MYLK4: variants seen among roughly 807,000 people sequenced by gnomAD.
MYLK4 encodes the protein myosin light chain kinase family member 4, also known as caMLCK like.
In MYLK4, 46 loss-of-function variants were observed where a neutral mutation model predicts 48.1. That is an observed-to-expected ratio of 0.96 (90% CI 0.75 to 1.22). The LOEUF (loss-of-function observed/expected upper bound fraction) is 1.22. MYLK4 is among the 50% of genes most tolerant of loss of function. The probability of loss-of-function intolerance (pLI) is 0.00; values close to 1 mark genes in which losing one functional copy is unlikely to be tolerated. For synonymous variants in MYLK4, 170 were observed against 180.8 expected (o/e 0.94, Z 0.48); for missense variants, 451 against 486.1 (o/e 0.93, Z 0.68).
chr6:2,692,393 T>A (rs1383255641), intron 3 of MYLK4, among the ~76,000 whole-genome samples: 2 of 152,156 alleles, frequency 1.3e-5, no homozygotes, highest in East Asian at 3.8e-4. Flanking sequence ...ACCTTTTCTT[T>A]CTCAGAGGAG....
At chr6:2,764,262 T>C in the MYLK4 span, among the ~76,000 whole-genome samples, 3 of 152,110 alleles carry the variant, frequency 2.0e-5, no homozygotes, top group Non-Finnish European at 4.4e-5. Flanking sequence ...AAACAACTCT[T>C]AACCAGCCAG....
chr6:2,766,047 G>C, the MYLK4 span: 1 of 1,296,514 alleles, frequency 7.7e-7, no homozygotes, highest in East Asian at 3.1e-5. Flanking sequence ...TCGGGGAAGA[G>C]GCCGGCGGCC....
At chr6:2,760,261 T>C in the MYLK4 span, among the ~76,000 whole-genome samples, 10 of 152,312 alleles carry the variant, frequency 6.6e-5, no homozygotes, top group African/African-American at 2.4e-4. Context: ...AGTATGTGCA[T>C]AGTTTTATAA....
chr6:2,690,706 C>A (rs1297842406), intron 3 of MYLK4, among the ~76,000 whole-genome samples: 1 of 150,154 alleles, frequency 6.7e-6, no homozygotes, highest in Non-Finnish European at 1.5e-5. Context: ...TGGAACTTAA[C>A]AAAAGCCGTC....
intron 2 of MYLK4, among the ~76,000 whole-genome samples, chr6:2,694,793 A>T (rs1056335139): frequency 1.3e-5 from 2 of 152,092 alleles, no homozygotes; most frequent in Non-Finnish European, 2.9e-5. Context: ...GTACAAATGA[A>T]GTTGGGTAAT....
chr6:2,739,163 A>G (rs982995196), intron 2 of MYLK4, among the ~76,000 whole-genome samples: 2 of 152,174 alleles, frequency 1.3e-5, no homozygotes, highest in Non-Finnish European at 2.9e-5. Context: ...TAAGAATTCT[A>G]CCAACTTCGG....
At chr6:2,744,800 A>C (rs1222388527) in intron 2 of MYLK4, among the ~76,000 whole-genome samples, 1 of 152,224 alleles carries the variant, frequency 6.6e-6, no homozygotes, top group Non-Finnish European at 1.5e-5. Flanking sequence ...GGGATATGGA[A>C]GAACTTAAGC....
chr6:2,680,956 T>C (rs2113119136), intron 7 of MYLK4, among the ~76,000 whole-genome samples: 2 of 152,252 alleles, frequency 1.3e-5, no homozygotes, highest in South Asian at 4.1e-4. Context: ...CCTGACAGTC[T>C]TGGGGTGCAG....
the MYLK4 span, among the ~76,000 whole-genome samples, chr6:2,762,937 A>T: frequency 6.6e-6 from 1 of 152,198 alleles, no homozygotes; most frequent in Non-Finnish European, 1.5e-5. Context: ...ACTCATTAAG[A>T]CAATTCAGAC....
chr6:2,729,934 C>T (rs1045181699), intron 2 of MYLK4, among the ~76,000 whole-genome samples: 3 of 152,198 alleles, frequency 2.0e-5, no homozygotes, highest in African/African-American at 4.8e-5. Context: ...ACACAGTTGG[C>T]GGTCTTCAAA....
chr6:2,693,011 T>A (rs1761874034), intron 2 of MYLK4, 152 bp from the exon 3 acceptor site: 1 of 671,010 alleles, frequency 1.5e-6, no homozygotes, highest in African/African-American at 1.8e-5. Context: ...ATCCACCAGA[T>A]GCCAGTAGCA....
At chr6:2,757,286 A>G in the MYLK4 span, among the ~76,000 whole-genome samples, 3 of 152,218 alleles carry the variant, frequency 2.0e-5, no homozygotes, top group Non-Finnish European at 4.4e-5. Flanking sequence ...GGACCATGGC[A>G]GCTCGTAAAA....
At position 2,676,766 on chromosome 6, in the gene MYLK4, G is replaced by A. The variant is rs138484804; in HGVS notation, c.1040+1454C>T. Among the ~76,000 whole-genome samples, 19 of 152,270 alleles carry A rather than the reference G, an allele frequency of 1.2e-4. No individual in the cohort carries two copies. The East Asian group carries it at 3.1e-3, about 25-fold the overall frequency. ...CCTCTGCATCTGCTCTGAGATAGCC[G>A]TGTGACTGCAGCACTGCTCTCAGCC... On this transcript the variant is annotated intron_variant, in intron 10 of 12. Transcript: ENST00000274643.
intron 6 of MYLK4, among the ~76,000 whole-genome samples, chr6:2,684,703 G>GTTCC (rs1761459223): frequency 6.6e-6 from 1 of 152,180 alleles, no homozygotes; most frequent in Non-Finnish European, 1.5e-5. Flanking sequence ...ATCAGGTATT[G>GTTCC]TAAGTAGTCT....
At chr6:2,684,598 C>T (rs1761453707) in intron 6 of MYLK4, among the ~76,000 whole-genome samples, 1 of 151,674 alleles carries the variant, frequency 6.6e-6, no homozygotes. Context: ...AAATGTTTGA[C>T]CAAAAAACAA....
At chr6:2,765,908 G>A in the MYLK4 span, 6 of 1,455,414 alleles carry the variant, frequency 4.1e-6, no homozygotes, top group South Asian at 1.3e-5. Flanking sequence ...CGAGGGCGAG[G>A]GTGAGGAGGG....
chr6:2,767,036 C>T, the MYLK4 span, among the ~76,000 whole-genome samples: 12 of 152,094 alleles, frequency 7.9e-5, no homozygotes, highest in Admixed American at 6.6e-4. Flanking sequence ...AACATAAAAA[C>T]TTTTTCATCT....
chr6:2,766,288 A>G, the MYLK4 span: 1 of 1,598,142 alleles, frequency 6.3e-7, no homozygotes, highest in Non-Finnish European at 8.5e-7. Context: ...GACAGATGCT[A>G]CAGGGCAAGC....
Position 2,722,888 on chromosome 6 carries a change from T to C in MYLK4, c.159+26248A>G, listed in dbSNP as rs528966144. Among the ~76,000 whole-genome samples the C allele has an allele frequency of 2.1e-4, 32 of 152,350 alleles. No homozygotes were observed. The South Asian group carries it at 6.6e-3, about 32-fold the overall frequency. ...CTATATATAATGTTTTAATTATGAA[T>C]GAATTGCCCCAATTCTTAGCATGAC... On this transcript the variant is annotated intron_variant, in intron 2 of 12. Coordinates refer to ENST00000274643, the MANE Select transcript of MYLK4 (RefSeq NM_001012418.5).
Sources: allele counts gnomAD v4.1 joint callset (sites outside exome capture counted in the v4.1 genomes callset), GRCh38; gene constraint gnomAD v4.1.1; transcripts MANE v1.5; gene names NCBI Gene and HGNC (gene_info 2026-07-23, HGNC 2026-07-21).